The following RPS29 variants were observed in gnomAD, a reference collection of about 807,000 sequenced individuals.
RPS29 encodes small ribosomal subunit protein uS14.
For missense variants in RPS29, 60 were observed against 75.7 expected, an observed-to-expected ratio of 0.79 and a Z score of 0.77; for synonymous variants, 37 against 26.9, an observed-to-expected ratio of 1.37 and a Z score of -1.16.
In RPS29 at chr14:49,586,034, G is replaced by A. The variant is rs1287154767; in HGVS notation, c.78C>T (p.Asn26=). ...CATATTTCCGGATCAGACCGTGCCG[G>A]TTTGAACAGACACGACTGTAAGAAA... The part of the protein sequence containing the change: ...QGSRSCRVCS[N]RHGLIRKYGL... Residue 26 remains asparagine, a synonymous_variant, in exon 2 of 3, where the codon AAC becomes AAT. Transcript: ENST00000245458. The A allele has an allele frequency of 6.9e-6, 11 of 1,599,076 alleles. No homozygotes were observed. The highest frequency in any genetic ancestry group is 2.7e-5 in the African/African-American group (2 of 74,534).
At chr14:49,593,374 T>C (rs927275915) in intron 1 of RPS29, among the ~76,000 whole-genome samples, 3 of 152,092 alleles carry the variant, frequency 2.0e-5, no homozygotes, top group Non-Finnish European at 4.4e-5. Flanking sequence ...AGGATAAAAT[T>C]CCTCTTACAG....
chr14:49,577,976 A>G (rs955482846), intron 2 of RPS29: 3 of 681,714 alleles, frequency 4.4e-6, no homozygotes, highest in Middle Eastern at 3.2e-4. Flanking sequence ...ATCTAGATTG[A>G]GTGGAATTAA....
At chr14:49,581,211 T>C (rs1005012487), downstream of RPS29, among the ~76,000 whole-genome samples, 2 of 151,540 alleles carry the variant, frequency 1.3e-5, no homozygotes, top group Non-Finnish European at 2.9e-5. Context: ...GAAAAAAAAA[T>C]TGGCAAAGAT....
chr14:49,597,181 T>C (rs1406340518), intron 1 of RPS29, among the ~76,000 whole-genome samples: 2 of 152,334 alleles, frequency 1.3e-5, no homozygotes, highest in East Asian at 1.9e-4. Flanking sequence ...CCCAAAGTGC[T>C]GGGATTACAG....
chr14:49,584,784 T>C (rs1027187957), intron 2 of RPS29, among the ~76,000 whole-genome samples: 1 of 151,072 alleles, frequency 6.6e-6, no homozygotes, highest in Non-Finnish European at 1.5e-5. Context: ...AAAATTTACA[T>C]CATTATAGAA....
At chr14:49,573,062 T>C (rs916471669) in exon 3 of RPS29, 1 of 136,102 alleles carries the variant, frequency 7.3e-6, no homozygotes, top group Non-Finnish European at 1.6e-5. Flanking sequence ...AGTGAGACCC[T>C]GTCTCCAAAG....
exon 3 of RPS29, chr14:49,577,784 A>G: frequency 6.3e-7 from 1 of 1,593,756 alleles, no homozygotes; most frequent in Non-Finnish European, 8.6e-7. Flanking sequence ...GAGCGGTCTC[A>G]GGATGGCCAT....
At chr14:49,578,648 T>C (rs149656667), downstream of RPS29, among the ~76,000 whole-genome samples, 718 of 139,028 alleles carry the variant, frequency 5.2e-3, 3 homozygotes, top group African/African-American at 0.018. Context: ...GCAACCTCGC[T>C]TTCCCCGGTT....
At chr14:49,586,721 T>G (rs1594574857), upstream of RPS29, 1 of 246,238 alleles carries the variant, frequency 4.1e-6, no homozygotes, top group Non-Finnish European at 8.4e-6. Context: ...TATGGTGACC[T>G]CCCGGGAGCG....
intron 1 of RPS29, chr14:49,598,083 A>G: frequency 3.2e-6 from 1 of 317,186 alleles, no homozygotes; most frequent in Non-Finnish European, 5.7e-6. Context: ...TCACAGTTGT[A>G]TTGAAAAATC....
exon 3 of RPS29, chr14:49,576,406 T>A (rs1424566965): frequency 6.6e-6 from 1 of 152,140 alleles, no homozygotes; most frequent in Non-Finnish European, 1.5e-5. Context: ...CCTGGCCTCT[T>A]TTTTTCAATT....
intron 2 of RPS29, chr14:49,585,349 G>A (rs1292822353): frequency 6.7e-6 from 1 of 150,154 alleles, no homozygotes; most frequent in African/African-American, 2.5e-5. Flanking sequence ...GGTTGGGTGA[G>A]TGCGACTCCG....
exon 3 of RPS29, chr14:49,576,181 T>G (rs531773542): frequency 6.6e-6 from 1 of 151,780 alleles, no homozygotes; most frequent in Admixed American, 6.6e-5. Flanking sequence ...CCTCTTGGGC[T>G]CAAGTTATCC....
At chr14:49,580,135 C>T (rs1881295117), downstream of RPS29, among the ~76,000 whole-genome samples, 1 of 152,152 alleles carries the variant, frequency 6.6e-6, no homozygotes. Context: ...TTATACCAGG[C>T]CATCACACTG....
exon 3 of RPS29, chr14:49,577,779 G>A (rs1416776029): frequency 1.3e-6 from 2 of 1,579,716 alleles, no homozygotes; most frequent in Non-Finnish European, 1.7e-6. Flanking sequence ...TTCGCGAGCG[G>A]TCTCAGGATG....
chr14:49,577,914 A>G (rs1881231021), intron 2 of RPS29: 5 of 1,232,646 alleles, frequency 4.1e-6, no homozygotes, highest in Admixed American at 2.0e-5. Flanking sequence ...ACCAAATTCA[A>G]TAAATTTGTA....
chr14:49,582,828 A>G (rs1881380648), downstream of RPS29, among the ~76,000 whole-genome samples: 1 of 152,186 alleles, frequency 6.6e-6, no homozygotes, highest in African/African-American at 2.4e-5. Flanking sequence ...CACCTGCATT[A>G]CCAATGTTAA....
exon 3 of RPS29, chr14:49,574,644 T>G (rs888384451): frequency 2.0e-5 from 3 of 152,236 alleles, no homozygotes; most frequent in African/African-American, 7.2e-5. Flanking sequence ...TCTCTATCAA[T>G]GGAAATGCAC....
At chr14:49,580,623 G>A (rs1177272595), downstream of RPS29, among the ~76,000 whole-genome samples, 1 of 152,226 alleles carries the variant, frequency 6.6e-6, no homozygotes, top group Non-Finnish European at 1.5e-5. Context: ...TGTAATCCTA[G>A]CACTTTGGGA....
Sources: allele counts gnomAD v4.1 joint callset (sites outside exome capture counted in the v4.1 genomes callset), GRCh38; gene constraint gnomAD v4.1.1; transcripts MANE v1.5; gene names NCBI Gene and HGNC (gene_info 2026-07-23, HGNC 2026-07-21).